The following IL13RA1 variants were observed in gnomAD, a reference collection of about 807,000 sequenced individuals.
IL13RA1 encodes the protein interleukin-13 receptor subunit alpha-1.
A neutral mutation model predicts 33.8 loss-of-function variants in IL13RA1; 14 were observed. The observed-to-expected ratio is 0.41, with a 90% confidence interval of 0.27 to 0.65. The LOEUF is 0.65. Ranked by LOEUF, IL13RA1 falls within the 30% of genes least tolerant of loss-of-function variation. The probability of loss-of-function intolerance (pLI) is 0.28; values close to 1 mark genes in which losing one functional copy is unlikely to be tolerated. For synonymous variants in IL13RA1, 116 were observed against 115.7 expected, an observed-to-expected ratio of 1.00 and a Z score of -0.02; for missense variants, 313 against 327.0, an observed-to-expected ratio of 0.96 and a Z score of 0.33.
chrX:118,727,611 C>G lies in IL13RA1; in HGVS notation c.-28C>G, dbSNP rs1367257029. ...AGGCGGGGACTGCCAAGGCTCCAGC[C>G]CGGCCGGGCTCCGAGGCGAGAGGCT... On this transcript the variant is annotated 5_prime_UTR_variant, in exon 1 of 11. Coordinates refer to ENST00000371666, the MANE Select transcript of IL13RA1 (RefSeq NM_001560.3). 2.3e-6 allele frequency: 2 copies of G among 878,230 alleles called. No individual in the cohort carries two copies. The highest frequency in any genetic ancestry group is 5.7e-5 in the Admixed American group (1 of 17,692). 72.4% of individuals were successfully genotyped at this position (878,230 alleles called of 1,213,427 possible).
At chrX:118,774,634 C>T (rs183174809) in intron 9 of IL13RA1, among the ~76,000 whole-genome samples, 1 of 112,123 alleles carries the variant, frequency 8.9e-6, no homozygotes, top group East Asian at 2.8e-4. Context: ...AAATGGAGAC[C>T]TTTACTAATA....
intron 2 of IL13RA1, among the ~76,000 whole-genome samples, chrX:118,742,925 G>C (rs1268926584): frequency 9.0e-6 from 1 of 111,615 alleles, no homozygotes; most frequent in Non-Finnish European, 1.9e-5. Flanking sequence ...GGTCAAAATG[G>C]TTGAATGTTG....
chrX:118,762,654 C>G (rs2017601974), intron 6 of IL13RA1, among the ~76,000 whole-genome samples: 1 of 111,283 alleles, frequency 9.0e-6, no homozygotes, highest in South Asian at 3.8e-4. Context: ...ATTACTAGTA[C>G]CAGAAATTAA....
intron 3 of IL13RA1, among the ~76,000 whole-genome samples, chrX:118,748,131 A>C (rs1246896191): frequency 6.0e-5 from 6 of 100,138 alleles, no homozygotes; most frequent in Non-Finnish European, 1.2e-4. Flanking sequence ...ATATTATATA[A>C]TATATAATTA....
chrX:118,773,716 C>A (rs1243224205), intron 8 of IL13RA1, among the ~76,000 whole-genome samples, 163 bp from the exon 9 acceptor site: 3 of 109,421 alleles, frequency 2.7e-5, no homozygotes, highest in African/African-American at 1.0e-4. Context: ...TTTTTTTAAA[C>A]TATTAATTTA....
intron 10 of IL13RA1, among the ~76,000 whole-genome samples, chrX:118,784,951 C>T (rs1230163670): frequency 9.0e-5 from 10 of 111,011 alleles, no homozygotes; most frequent in African/African-American, 3.3e-4. Flanking sequence ...AATAATTTTA[C>T]CAGAATATGT....
chrX:118,798,303 T>C (rs2018043011), downstream of IL13RA1, among the ~76,000 whole-genome samples: 1 of 98,240 alleles, frequency 1.0e-5, no homozygotes. Flanking sequence ...TTTGTTTTTT[T>C]CCCCATATTG....
At chrX:118,781,359 T>A (rs946887641) in intron 10 of IL13RA1, among the ~76,000 whole-genome samples, 15 of 111,538 alleles carry the variant, frequency 1.3e-4, no homozygotes, top group Non-Finnish European at 2.3e-4. Context: ...GTATCTTTTT[T>A]TTTTCCTTTT....
rs186511579 is a variant in IL13RA1, at chrX:118,787,598, A to G, written c.1192-4164A>G. On this transcript the variant is annotated intron_variant, in intron 10 of 10. Coordinates refer to ENST00000371666, the MANE Select transcript of IL13RA1 (RefSeq NM_001560.3). Reference sequence around the variant, plus strand: ...AAGCCTGAGGGTGCTGCAGGAGACTAGGGCGTGTTTCATCTCTATCTATGA... The same window carrying G: ...AAGCCTGAGGGTGCTGCAGGAGACTGGGGCGTGTTTCATCTCTATCTATGA... Among the ~76,000 whole-genome samples, 16 of 111,643 alleles carry G rather than the reference A, an allele frequency of 1.4e-4. No individual in the cohort carries two copies. The Admixed American group carries it at 1.5e-3, about 11-fold the overall frequency.
rs189740279 is a variant in IL13RA1 at position 118,792,013 on chromosome X, C to T, written c.*159C>T. ...CAGGTCTTTATGTTGAGTCGCGCAC[C>T]GAAAAACTAAAAATAATGGGCGCTT... On this transcript the variant is annotated 3_prime_UTR_variant, in exon 11 of 11. Coordinates refer to ENST00000371666, the MANE Select transcript of IL13RA1 (RefSeq NM_001560.3). The T allele has an allele frequency of 6.8e-4, 213 of 314,819 alleles. No individual in the cohort carries two copies. The highest frequency in any genetic ancestry group is 3.1e-3 in the African/African-American group (112 of 36,597). 25.9% of individuals were successfully genotyped at this position (314,819 alleles called of 1,213,427 possible).
intron 10 of IL13RA1, among the ~76,000 whole-genome samples, chrX:118,777,480 G>C (rs781729008): frequency 8.9e-6 from 1 of 111,839 alleles, no homozygotes; most frequent in Non-Finnish European, 1.9e-5. Flanking sequence ...CTCTGGTTAG[G>C]AGACATATTT....
At chrX:118,796,688 AC>A (rs979521005), downstream of IL13RA1, among the ~76,000 whole-genome samples, 1 of 111,354 alleles carries the variant, frequency 9.0e-6, no homozygotes, top group Admixed American at 9.5e-5. Context: ...GGTGACCGCC[AC>A]CACGCCCGGC....
At position 118,758,100 on chromosome X, in the gene IL13RA1, A is replaced by C; in HGVS notation, c.534A>C (p.Arg178Ser). ...EKIHQCENIF[R>S]EGQYFGCSFD... ...TTCATCAATGTGAAAACATCTTTAGAGAAGGCCAATACTTTGGTTGTTCCT... is the reference window on the plus strand; with the variant it reads ...TTCATCAATGTGAAAACATCTTTAGCGAAGGCCAATACTTTGGTTGTTCCT... Residue 178 changes from arginine (R) to serine (S), a missense_variant, in exon 5 of 11, where the codon AGA becomes AGC. By Grantham distance (110) the Arg-to-Ser change is moderately radical. Coordinates refer to ENST00000371666, the MANE Select transcript of IL13RA1 (RefSeq NM_001560.3). 1 of 1,172,884 alleles carries C rather than the reference A, an allele frequency of 8.5e-7. No homozygotes were observed. The highest frequency in any genetic ancestry group is 1.9e-5 in the South Asian group (1 of 53,906).
intron 8 of IL13RA1, among the ~76,000 whole-genome samples, chrX:118,772,798 T>C (rs1356890158): frequency 8.9e-6 from 1 of 112,205 alleles, no homozygotes; most frequent in Non-Finnish European, 1.9e-5. Flanking sequence ...TTGGATTGTA[T>C]TGGATAGTAT....
chrX:118,732,658 G>T (rs764275098), intron 1 of IL13RA1, among the ~76,000 whole-genome samples: 3 of 109,856 alleles, frequency 2.7e-5, no homozygotes, highest in African/African-American at 6.6e-5. Context: ...GCAGTGTTTG[G>T]TTTTTTTGTC....
At chrX:118,800,253 G>C in the IL13RA1 span, among the ~76,000 whole-genome samples, 2 of 110,825 alleles carry the variant, frequency 1.8e-5, no homozygotes, top group African/African-American at 6.6e-5. Context: ...CAGGCTGCCT[G>C]AGCCAGCAGT....
Position 118,766,848 on chromosome X carries a change from C to A in IL13RA1, c.881C>A (p.Thr294Lys). 1 of 1,030,420 alleles carries A rather than the reference C, an allele frequency of 9.7e-7. No homozygotes were observed. The highest frequency in any genetic ancestry group is 1.3e-6 in the Non-Finnish European group (1 of 745,979). 84.9% of individuals were successfully genotyped at this position (1,030,420 alleles called of 1,213,427 possible). A position where few individuals can be genotyped will look rare whatever the true frequency, so the allele number is the denominator to read the frequency against. Residue 294 changes from threonine (T) to lysine (K), a missense_variant, in exon 8 of 11, where the codon ACA becomes AAA. Physicochemically the swap from Thr to Lys is moderately conservative, Grantham distance 78 (BLOSUM62 -1). Coordinates refer to ENST00000371666, the MANE Select transcript of IL13RA1 (RefSeq NM_001560.3). ...TATTTTTATTTTATGCCTAAGAATA[C>A]ATCTTGTTTCATGGTCCCTGGTGTT... ...NPEFERNVENTSCFMVPGVLP... is the reference protein window; with the variant it reads ...NPEFERNVENKSCFMVPGVLP...
Position 118,761,109 on chromosome X carries a change from C to G in IL13RA1, c.677-29C>G, listed in dbSNP as rs188892119. Reference sequence around the variant, plus strand: ...TGTGTGTATAATCAAGCTTTGGAAGCTTACTTGTGTTCTATTTTTGTTTTT... The same window carrying G: ...TGTGTGTATAATCAAGCTTTGGAAGGTTACTTGTGTTCTATTTTTGTTTTT... On this transcript the variant is annotated intron_variant, in intron 5 of 10. Transcript: ENST00000371666. 4.8e-4 allele frequency: 385 copies of G among 803,848 alleles called. No homozygotes were observed. The African/African-American group carries it at 6.7e-3, about 14-fold the overall frequency. The allele number at this position is 803,848 out of a possible 1,213,427, so 66.2% of individuals were successfully genotyped here. A position where few individuals can be genotyped will look rare whatever the true frequency, so the allele number is the denominator to read the frequency against.
Position 118,756,325 on chromosome X carries a change from T to TA in IL13RA1, c.489-1720dup, listed in dbSNP as rs892868522. On this transcript the variant is annotated intron_variant, in intron 4 of 10. Transcript: ENST00000371666. ...AAAACAGTTCTCTGATAGCCTAGAC[T>TA]AAAAAAAAAAGTGTAATAAACACAT... is the stretch of plus-strand genomic sequence containing the variant. 3.5e-3 allele frequency among the ~76,000 whole-genome samples: 376 copies of TA among 106,589 alleles called. 2 individuals carry two copies. The highest frequency in any genetic ancestry group is 0.012 in the African/African-American group (342 of 29,493). 92.6% of individuals were successfully genotyped at this position (106,589 alleles called of 115,157 possible).
Sources: allele counts gnomAD v4.1 joint callset (sites outside exome capture counted in the v4.1 genomes callset), GRCh38; gene constraint gnomAD v4.1.1; transcripts MANE v1.5; gene names NCBI Gene and HGNC (gene_info 2026-07-23, HGNC 2026-07-21).